Variants in CCNB2 observed in about 807,000 individuals in gnomAD.
CCNB2 encodes cyclin B2.
CCNB2 carries 39 observed loss-of-function variants against 51.1 expected under a neutral mutation model. That is an observed-to-expected ratio of 0.76 (90% CI 0.59 to 1.00). CCNB2 has a LOEUF of 1.00. Among genes scored for constraint, CCNB2 ranks in the 50% least tolerant of loss-of-function variants. The probability of loss-of-function intolerance (pLI) is 0.00; values close to 1 mark genes in which losing one functional copy is unlikely to be tolerated. For missense variants in CCNB2, 472 were observed against 470.3 expected (o/e 1.00, Z -0.03); for synonymous variants, 174 against 165.5 (o/e 1.05, Z -0.40).
chr15:59,105,151 T>G lies in CCNB2; in HGVS notation c.-118T>G, dbSNP rs1014887347. 106 of 927,902 alleles carry G rather than the reference T, an allele frequency of 1.1e-4. No homozygotes were observed. Among genetic ancestry groups the G allele is most frequent in the Admixed American group, 4.3e-4 (17 of 39,298 alleles). 57.5% of individuals were successfully genotyped at this position (927,902 alleles called of 1,614,324 possible). A position where few individuals can be genotyped will look rare whatever the true frequency, so the allele number is the denominator to read the frequency against. On this transcript the variant is annotated 5_prime_UTR_variant, in exon 1 of 9. Coordinates refer to ENST00000288207, the MANE Select transcript of CCNB2 (RefSeq NM_004701.4). Reference sequence around the variant, plus strand: ...TGGAACAAGGCTACAGCGTCGAAGATCCCCAGCGCTGCGGGCTCGGAGAGC... The same window carrying G: ...TGGAACAAGGCTACAGCGTCGAAGAGCCCCAGCGCTGCGGGCTCGGAGAGC...
At chr15:59,124,387 T>C (rs1372727491) in intron 8 of CCNB2, 1 of 212,992 alleles carries the variant, frequency 4.7e-6, no homozygotes, top group South Asian at 5.7e-5. Flanking sequence ...CCCTCTTTTA[T>C]TGTCTTTTAT....
chr15:59,117,917 A>G (rs2079285760), intron 7 of CCNB2, among the ~76,000 whole-genome samples: 1 of 152,204 alleles, frequency 6.6e-6, no homozygotes, highest in Admixed American at 6.5e-5. Flanking sequence ...ATCCTGGGGA[A>G]CACAGAGAGA....
intron 5 of CCNB2, chr15:59,115,835 A>G (rs1422644039): frequency 2.6e-5 from 4 of 152,136 alleles, no homozygotes; most frequent in East Asian, 1.9e-4. Flanking sequence ...GGTTCAATCA[A>G]TCCTTCTACC....
intron 5 of CCNB2, among the ~76,000 whole-genome samples, chr15:59,116,445 C>T (rs2079278999): frequency 6.8e-6 from 1 of 146,156 alleles, no homozygotes; most frequent in African/African-American, 2.5e-5. Context: ...ATAAAATATG[C>T]CTTTCCTAGA....
chr15:59,116,766 T>A lies in CCNB2; in HGVS notation c.674T>A (p.Met225Lys). Reference sequence around the variant, plus strand: ...CTCTTGGCTTCCAAGTATGAGGAGATGTTTTCTCCAAATATTGAAGACTTT... The same window carrying A: ...CTCTTGGCTTCCAAGTATGAGGAGAAGTTTTCTCCAAATATTGAAGACTTT... ...ALLLASKYEE[M>K]FSPNIEDFVY... is the part of the protein sequence containing the mutation. The change falls in exon 6 of 9, where the codon ATG (methionine) becomes AAG (lysine). Residue 225 changes from methionine to lysine, a missense_variant. By Grantham distance (95) the Met-to-Lys change is moderately conservative (BLOSUM62 -1). Coordinates refer to ENST00000288207, the MANE Select transcript of CCNB2 (RefSeq NM_004701.4). The A allele has an allele frequency of 6.2e-7, 1 of 1,613,780 alleles. No homozygotes were observed. The highest frequency in any genetic ancestry group is 8.5e-7 in the Non-Finnish European group (1 of 1,179,914).
chr15:59,116,752 C>T lies in CCNB2; in HGVS notation c.660C>T (p.Ser220=). The change falls in exon 6 of 9, where the codon TCC becomes TCT. Residue 220 remains serine (S), a synonymous_variant. Coordinates refer to ENST00000288207, the MANE Select transcript of CCNB2 (RefSeq NM_004701.4). The stretch of plus-strand genomic sequence containing the variant: ...GGATTACTGCTCTGCTCTTGGCTTC[C>T]AAGTATGAGGAGATGTTTTCTCCAA... ...LVGITALLLA[S]KYEEMFSPNI... 6.2e-7 allele frequency: 1 copy of T among 1,613,390 alleles called. No individual in the cohort carries two copies. The highest frequency in any genetic ancestry group is 8.5e-7 in the Non-Finnish European group (1 of 1,180,006).
chr15:59,120,912 G>A (rs1356696467), intron 7 of CCNB2: 1 of 152,140 alleles, frequency 6.6e-6, no homozygotes, highest in African/African-American at 2.4e-5. Context: ...TTGCCATGCC[G>A]TGTTGTGCAG....
At chr15:59,109,639 T>C (rs1384459778) in intron 3 of CCNB2, among the ~76,000 whole-genome samples, 3 of 152,224 alleles carry the variant, frequency 2.0e-5, no homozygotes, top group Non-Finnish European at 2.9e-5. Context: ...TTGATGGTAG[T>C]TATTTTTGAA....
At chr15:59,115,619 A>G (rs964528618) in intron 5 of CCNB2, 1 of 152,246 alleles carries the variant, frequency 6.6e-6, no homozygotes, top group Admixed American at 6.5e-5. Flanking sequence ...CTGTCCAAAC[A>G]ATGTAATAAA....
At position 59,114,822 on chromosome 15, in the gene CCNB2, G is replaced by C. The variant is rs1453464199; in HGVS notation, c.543G>C (p.Arg181Ser). 1 of 1,614,212 alleles carries C rather than the reference G, an allele frequency of 6.2e-7. No individual in the cohort carries two copies. Among genetic ancestry groups the C allele is most frequent in the Non-Finnish European group, 8.5e-7 (1 of 1,180,030 alleles). The change falls in exon 5 of 9, where the codon AGG becomes AGC. Residue 181 changes from arginine (R) to serine (S), a missense_variant. Transcript: ENST00000288207. ...TGGTACAAGTCCACTCCAAGTTTAG[G>C]CTTCTGCAGGAGACTCTGTACATGT... ...DWLVQVHSKFRLLQETLYMCV... is the reference protein window; with the variant it reads ...DWLVQVHSKFSLLQETLYMCV...
At position 59,105,285 on chromosome 15, in the gene CCNB2, G is replaced by T; in HGVS notation, c.17G>T (p.Arg6Leu). 2.6e-6 allele frequency: 4 copies of T among 1,564,650 alleles called. No homozygotes were observed. Among genetic ancestry groups the T allele is most frequent in the Non-Finnish European group, 3.5e-6 (4 of 1,158,398 alleles). The change falls in exon 1 of 9, where the codon CGC becomes CTC. Residue 6 changes from arginine to leucine, a missense_variant. By Grantham distance (102) the Arg-to-Leu change is moderately radical. Transcript: ENST00000288207. ...CCGTCCCTCATGGCGCTGCTCCGAC[G>T]CCCGACGGTGAGTGTGCCCGGGGAC... MALLR[R>L]PTVSSDLENI...
At chr15:59,113,194 G>A (rs915457322) in intron 3 of CCNB2, among the ~76,000 whole-genome samples, 1 of 152,000 alleles carries the variant, frequency 6.6e-6, no homozygotes, top group Non-Finnish European at 1.5e-5. Context: ...CTCAGTCTTC[G>A]CTCCCTTCTC....
Position 59,116,874 on chromosome 15 carries a change from T to A in CCNB2, c.782T>A (p.Leu261Ter), listed in dbSNP as rs762120507. 6.2e-7 allele frequency: 1 copy of A among 1,614,200 alleles called. No individual in the cohort carries two copies. Among genetic ancestry groups the A allele is most frequent in the Non-Finnish European group, 8.5e-7 (1 of 1,180,028 alleles). Residue 261 changes from leucine to a stop codon, truncating the protein, a stop_gained, in exon 6 of 9, where the codon TTG becomes TAG. Coordinates refer to ENST00000288207, the MANE Select transcript of CCNB2 (RefSeq NM_004701.4). LOFTEE classifies it high-confidence loss of function. ...ATTTTGAAAGAATTGAAATTTGAGT[T>A]GGGTCGACCCTTGCCACTACACTTC... ...TLILKELKFELGRPLPLHFLR... is the reference protein window; with the variant it reads ...TLILKELKFE
Position 59,117,300 on chromosome 15 carries a change from T to C in CCNB2, c.907T>C (p.Tyr303His). Residue 303 changes from tyrosine (Y) to histidine (H), a missense_variant, in exon 7 of 9, where the codon TAT becomes CAT. Physicochemically the swap from Tyr to His is moderately conservative, Grantham distance 83. Coordinates refer to ENST00000288207, the MANE Select transcript of CCNB2 (RefSeq NM_004701.4). Reference protein sequence around the residue: ...LTLIDYDMVHYHPSKVAAAAS... With the variant: ...LTLIDYDMVHHHPSKVAAAAS... Reference sequence around the variant, plus strand: ...TCTCATCGACTATGATATGGTGCATTATCATCCTTCTAAGGTAGCAGCAGC... The same window carrying C: ...TCTCATCGACTATGATATGGTGCATCATCATCCTTCTAAGGTAGCAGCAGC... 6.2e-7 allele frequency: 1 copy of C among 1,613,932 alleles called. No homozygotes were observed. The highest frequency in any genetic ancestry group is 8.5e-7 in the Non-Finnish European group (1 of 1,180,002).
chr15:59,115,682 A>G (rs2079275960), intron 5 of CCNB2: 3 of 152,196 alleles, frequency 2.0e-5, no homozygotes, highest in African/African-American at 7.2e-5. Flanking sequence ...GGTAGCATGC[A>G]TTCCTCTTTG....
At chr15:59,119,550 A>T (rs1305085788) in intron 7 of CCNB2, among the ~76,000 whole-genome samples, 1 of 152,032 alleles carries the variant, frequency 6.6e-6, no homozygotes, top group Non-Finnish European at 1.5e-5. Context: ...AAAATAAAGG[A>T]CTAAAGTGGT....
At chr15:59,106,319 A>G (rs934422074) in intron 1 of CCNB2, among the ~76,000 whole-genome samples, 6 of 152,222 alleles carry the variant, frequency 3.9e-5, no homozygotes, top group African/African-American at 1.4e-4. Flanking sequence ...ATCTAAGTCC[A>G]ACTGACAAGT....
In CCNB2 at chr15:59,114,869, T is replaced by G. The variant is rs1566956593; in HGVS notation, c.590T>G (p.Phe197Cys). Residue 197 changes from phenylalanine (F) to cysteine (C), a missense_variant, in exon 5 of 9, where the codon TTT (phenylalanine) becomes TGT (cysteine). Phe to Cys is a radical substitution (Grantham distance 205). Transcript: ENST00000288207. Reference protein sequence around the residue: ...LYMCVGIMDRFLQVQPVSRKK... With the variant: ...LYMCVGIMDRCLQVQPVSRKK... ...ATGTGCGTTGGCATTATGGATCGAT[T>G]TTTACAGGTAGGTGTGGCTTCAGGG... The G allele has an allele frequency of 6.2e-7, 1 of 1,612,630 alleles. No homozygotes were observed. The highest frequency in any genetic ancestry group is 8.5e-7 in the Non-Finnish European group (1 of 1,178,846).
chr15:59,109,066 G>A (rs79259975), intron 3 of CCNB2, among the ~76,000 whole-genome samples: 67 of 152,226 alleles, frequency 4.4e-4, no homozygotes, highest in Admixed American at 7.8e-4. Flanking sequence ...ATATTTTTGG[G>A]GGGGGACGGA....
Sources: allele counts gnomAD v4.1 joint callset (sites outside exome capture counted in the v4.1 genomes callset), GRCh38; gene constraint gnomAD v4.1.1; transcripts MANE v1.5; gene names NCBI Gene and HGNC (gene_info 2026-07-23, HGNC 2026-07-21).